Variants in KIAA1958 observed in about 807,000 individuals in gnomAD.
KIAA1958 encodes the protein uncharacterized protein KIAA1958.
A neutral mutation model predicts 47.2 loss-of-function variants in KIAA1958; 14 were observed. The observed-to-expected ratio is 0.30, with a 90% confidence interval of 0.20 to 0.46. The LOEUF is 0.46. Ranked by LOEUF, KIAA1958 falls within the 20% of genes least tolerant of loss-of-function variation. The pLI is 1.00. For synonymous variants in KIAA1958, 354 were observed against 353.3 expected (o/e 1.00, Z -0.02); for missense variants, 803 against 909.2 (o/e 0.88, Z 1.50).
chr9:112,613,305 A>G (rs1836358464), intron 2 of KIAA1958, among the ~76,000 whole-genome samples: 1 of 152,174 alleles, frequency 6.6e-6, no homozygotes, highest in African/African-American at 2.4e-5. Flanking sequence ...ATAGGTGGAT[A>G]TTTTGGTAAA....
At chr9:112,592,621 A>T (rs1835943638) in intron 2 of KIAA1958, among the ~76,000 whole-genome samples, 1 of 152,228 alleles carries the variant, frequency 6.6e-6, no homozygotes, top group Admixed American at 6.5e-5. Context: ...TGCTACCATA[A>T]GTTGGAAGTA....
At chr9:112,590,643 G>A (rs1323016674) in intron 2 of KIAA1958, among the ~76,000 whole-genome samples, 4 of 152,092 alleles carry the variant, frequency 2.6e-5, no homozygotes, top group African/African-American at 7.2e-5. Flanking sequence ...GAGCCACAGC[G>A]CCGGGCCCAG....
intron 1 of KIAA1958, among the ~76,000 whole-genome samples, chr9:112,541,234 TGTTTCA>T (rs1834936457): frequency 6.6e-6 from 1 of 152,202 alleles, no homozygotes. Flanking sequence ...ATGGCAGTCT[TGTTTCA>T]GTTTCAAAGT....
chr9:112,578,918 T>G (rs1185133937), intron 2 of KIAA1958, among the ~76,000 whole-genome samples: 7 of 152,096 alleles, frequency 4.6e-5, no homozygotes, highest in African/African-American at 1.7e-4. Context: ...TACACATAGC[T>G]TCTTTTATGA....
At position 112,487,068 on chromosome 9, in the gene KIAA1958, GC is replaced by G. The variant is rs746108473; in HGVS notation, c.-68del. 2.2e-4 allele frequency: 48 copies of G among 222,176 alleles called. 1 individual carries two copies. The highest frequency in any genetic ancestry group is 5.4e-4 in the South Asian group (11 of 20,520). The allele number at this position is 222,176 out of a possible 1,614,324, so 13.8% of individuals were successfully genotyped here. On this transcript the variant is annotated 5_prime_UTR_variant, in exon 1 of 4. Transcript: ENST00000337530. The stretch of plus-strand genomic sequence containing the variant: ...AGCCCGGGCTGCCCGGCTCTCGCAG[GC>G]CCCCCCGCGCCGACCGCGTTCCTAT...
chr9:112,563,269 CA>C, intron 1 of KIAA1958, among the ~76,000 whole-genome samples: 1 of 151,974 alleles, frequency 6.6e-6, no homozygotes, highest in East Asian at 1.9e-4. Flanking sequence ...ACGTGACTTG[CA>C]AGACCTTCGT....
In KIAA1958 at chr9:112,544,282, C is replaced by G. The variant is rs975261156; in HGVS notation, c.-24-29775C>G. Among the ~76,000 whole-genome samples the G allele has an allele frequency of 3.9e-5, 6 of 152,340 alleles. No homozygotes were observed. The South Asian group carries it at 1.0e-3, about 26-fold the overall frequency. ...TCAGATCTGAGAGGGCCCTGCGAGA[C>G]CACTATTCAATCCTTTTGTTTTACT... On this transcript the variant is annotated intron_variant, in intron 1 of 3. Transcript: ENST00000337530.
intron 2 of KIAA1958, among the ~76,000 whole-genome samples, chr9:112,581,602 G>A (rs1835736335): frequency 6.6e-6 from 1 of 152,152 alleles, no homozygotes; most frequent in Non-Finnish European, 1.5e-5. Context: ...AAAGTCTAGA[G>A]CCTTATTTCC....
chr9:112,526,120 A>G (rs1564159676), intron 1 of KIAA1958, among the ~76,000 whole-genome samples: 1 of 2,994 alleles, frequency 3.3e-4, no homozygotes, highest in Admixed American at 2.7e-3. Context: ...ATGAACCACC[A>G]TACCCGGCCT....
At chr9:112,563,891 G>A (rs1835380531) in intron 1 of KIAA1958, among the ~76,000 whole-genome samples, 1 of 151,944 alleles carries the variant, frequency 6.6e-6, no homozygotes, top group Admixed American at 6.6e-5. Context: ...CAGTTTGAGG[G>A]AATTCCCTAC....
At chr9:112,655,167 T>C (rs1837128512) in intron 3 of KIAA1958, among the ~76,000 whole-genome samples, 1 of 152,224 alleles carries the variant, frequency 6.6e-6, no homozygotes, top group Non-Finnish European at 1.5e-5. Flanking sequence ...TTTTTAAAAA[T>C]TTGTAATGGA....
Position 112,669,225 on chromosome 9 carries a change from T to C in KIAA1958, c.*9156T>C, listed in dbSNP as rs1837389397. The C allele has an allele frequency of 6.6e-6, 1 of 152,240 alleles. No individual in the cohort carries two copies. 9.4% of individuals were successfully genotyped at this position (152,240 alleles called of 1,614,324 possible). The stretch of plus-strand genomic sequence containing the variant: ...GAGTGTCAGCGTTGGAAGGGATTTT[T>C]TTTTGTTCCTCCAGTCCGGCCCTCT... On this transcript the variant is annotated 3_prime_UTR_variant, in exon 4 of 4. Coordinates refer to ENST00000337530, the MANE Select transcript of KIAA1958 (RefSeq NM_133465.4).
intron 1 of KIAA1958, among the ~76,000 whole-genome samples, chr9:112,542,925 T>C (rs1159972699): frequency 1.3e-5 from 2 of 152,226 alleles, no homozygotes; most frequent in African/African-American, 4.8e-5. Flanking sequence ...ATTTTGGGGC[T>C]GAAGAGTTTA....
chr9:112,621,944 G>C (rs748492011), intron 2 of KIAA1958, among the ~76,000 whole-genome samples: 3 of 152,096 alleles, frequency 2.0e-5, no homozygotes, highest in Non-Finnish European at 2.9e-5. Context: ...GTCTCACTGT[G>C]TTGCCCAGGC....
In KIAA1958 at chr9:112,574,425, G is replaced by A. The variant is rs765201977; in HGVS notation, c.345G>A (p.Arg115=). The A allele has an allele frequency of 1.2e-6, 2 of 1,614,116 alleles. No individual in the cohort carries two copies. The part of the protein sequence containing the change: ...RPVKAKLDCN[R]TRDSCDFSYC... ...TGAAAGCAAAGCTAGACTGTAACCG[G>A]ACCAGAGACTCTTGTGACTTCTCCT... Residue 115 remains arginine (R), a synonymous_variant, in exon 2 of 4, where the codon CGG becomes CGA. Coordinates refer to ENST00000337530, the MANE Select transcript of KIAA1958 (RefSeq NM_133465.4).
intron 1 of KIAA1958, among the ~76,000 whole-genome samples, chr9:112,524,045 T>C (rs1159243057): frequency 6.6e-6 from 1 of 152,210 alleles, no homozygotes; most frequent in East Asian, 1.9e-4. Flanking sequence ...ATTTCAACTA[T>C]TTTTTTAAAC....
intron 1 of KIAA1958, among the ~76,000 whole-genome samples, chr9:112,496,119 ATTG>A: frequency 2.0e-5 from 3 of 152,330 alleles, no homozygotes; most frequent in Middle Eastern, 6.8e-3. Flanking sequence ...GAAATAAGAA[ATTG>A]TTGTTTTAAG....
chr9:112,528,338 A>G (rs1401341230), intron 1 of KIAA1958, among the ~76,000 whole-genome samples: 4 of 152,106 alleles, frequency 2.6e-5, no homozygotes, highest in Admixed American at 6.5e-5. Flanking sequence ...TTTGGGGCCT[A>G]TTTGCCTTTC....
intron 1 of KIAA1958, among the ~76,000 whole-genome samples, chr9:112,533,113 A>G (rs1834780467): frequency 6.6e-6 from 1 of 152,106 alleles, no homozygotes; most frequent in Non-Finnish European, 1.5e-5. Context: ...GTATCTATGT[A>G]TAATCTGCAT....
Sources: allele counts gnomAD v4.1 joint callset (sites outside exome capture counted in the v4.1 genomes callset), GRCh38; gene constraint gnomAD v4.1.1; transcripts MANE v1.5; gene names NCBI Gene and HGNC (gene_info 2026-07-23, HGNC 2026-07-21).